Variants in PHLPP1 observed in about 807,000 individuals in gnomAD.
PHLPP1 encodes PH domain leucine-rich repeat-containing protein phosphatase 1.
Under a neutral mutation model 117.2 loss-of-function variants are expected in PHLPP1, and 42 were observed. The observed-to-expected ratio is 0.36, with a 90% CI of 0.28 to 0.46. PHLPP1 has a LOEUF of 0.46. Ranked by LOEUF, PHLPP1 falls within the 20% of genes least tolerant of loss-of-function variation. PHLPP1 has a pLI of 1.00. For missense variants in PHLPP1, 2,084 were observed against 2,241.9 expected (o/e 0.93, Z 1.42); for synonymous variants, 1,042 against 970.7 (o/e 1.07, Z -1.37).
chr18:62,857,146 C>T lies in PHLPP1; in HGVS notation c.1900-3289C>T, dbSNP rs190370059. 5.3e-5 allele frequency among the ~76,000 whole-genome samples: 8 copies of T among 152,176 alleles called. No individual in the cohort carries two copies. The East Asian group carries it at 1.4e-3, about 26-fold the overall frequency. On this transcript the variant is annotated intron_variant, in intron 3 of 16. Transcript: ENST00000262719. The stretch of plus-strand genomic sequence containing the variant: ...CAATGGAAAAAATAAAGAAGGGTTG[C>T]ATTAGTTTCCTGTGGCTGCTGTAAC...
chr18:62,856,300 A>G (rs1395203381), intron 3 of PHLPP1, among the ~76,000 whole-genome samples: 1 of 152,104 alleles, frequency 6.6e-6, no homozygotes, highest in Non-Finnish European at 1.5e-5. Flanking sequence ...CAGAGTCCTT[A>G]CAAGGCCTGA....
intron 1 of PHLPP1, among the ~76,000 whole-genome samples, chr18:62,804,379 A>C (rs1913877899): frequency 6.6e-6 from 1 of 151,940 alleles, no homozygotes; most frequent in South Asian, 2.1e-4. Flanking sequence ...GAAGGTGTCT[A>C]GTTTTTTTAT....
intron 1 of PHLPP1, chr18:62,824,126 C>T (rs1349645151): frequency 1.6e-5 from 7 of 441,022 alleles, no homozygotes; most frequent in South Asian, 6.4e-5. Context: ...AGCGAAACTC[C>T]GTCTCAAAAA....
chr18:62,830,427 C>T (rs950715556), intron 2 of PHLPP1, among the ~76,000 whole-genome samples, 196 bp downstream of exon 2: 19 of 152,108 alleles, frequency 1.2e-4, no homozygotes, highest in African/African-American at 4.6e-4. Flanking sequence ...TGGGGTTTCA[C>T]CATGTTGGCC....
intron 1 of PHLPP1, among the ~76,000 whole-genome samples, chr18:62,725,630 TAAAAA>T (rs940401679): frequency 6.6e-6 from 1 of 151,828 alleles, no homozygotes; most frequent in African/African-American, 2.4e-5. Context: ...TTCTGTCTCT[TAAAAA>T]AAGAGAGAGA....
intron 1 of PHLPP1, among the ~76,000 whole-genome samples, chr18:62,718,453 A>G (rs1568092535): frequency 1.3e-5 from 2 of 152,216 alleles, no homozygotes; most frequent in Non-Finnish European, 2.9e-5. Flanking sequence ...TTACTCCCAC[A>G]TTGAAATATG....
intron 1 of PHLPP1, among the ~76,000 whole-genome samples, chr18:62,762,222 G>A (rs1277166338): frequency 1.3e-5 from 2 of 151,418 alleles, no homozygotes; most frequent in Non-Finnish European, 2.9e-5. Flanking sequence ...TCACTCATCT[G>A]TATTGAACAG....
chr18:62,877,794 C>T (rs34242560), intron 4 of PHLPP1, among the ~76,000 whole-genome samples: 10,253 of 152,226 alleles, frequency 0.067, 471 homozygotes, highest in Non-Finnish European at 0.1. Context: ...GATTATATAG[C>T]CTTTGGTTCT....
intron 1 of PHLPP1, among the ~76,000 whole-genome samples, chr18:62,750,474 C>T (rs1388789255): frequency 1.3e-5 from 2 of 152,088 alleles, no homozygotes; most frequent in African/African-American, 4.8e-5. Context: ...CTCTCTTTTA[C>T]GTAGGAGAAA....
At chr18:62,935,430 G>C (rs1909941529) in intron 10 of PHLPP1, among the ~76,000 whole-genome samples, 1 of 152,198 alleles carries the variant, frequency 6.6e-6, no homozygotes, top group Non-Finnish European at 1.5e-5. Flanking sequence ...ATATTATTAA[G>C]ATATCAGTTT....
chr18:62,899,924 C>T (rs1043987992), intron 6 of PHLPP1, among the ~76,000 whole-genome samples: 1 of 152,224 alleles, frequency 6.6e-6, no homozygotes, highest in African/African-American at 2.4e-5. Flanking sequence ...CTGCCTTAGC[C>T]TCCCCAAGTG....
chr18:62,896,129 AT>A (rs1264474686), intron 6 of PHLPP1, 118 bp downstream of exon 6: 1 of 634,452 alleles, frequency 1.6e-6, no homozygotes, highest in African/African-American at 1.8e-5. Context: ...CCGTTTTTCT[AT>A]TTCTGCCTAG....
chr18:62,744,888 T>A (rs1014662774), intron 1 of PHLPP1, among the ~76,000 whole-genome samples: 2 of 152,200 alleles, frequency 1.3e-5, no homozygotes, highest in African/African-American at 2.4e-5. Flanking sequence ...AATAATAGAT[T>A]TTTAAACATT....
At chr18:62,854,758 T>C (rs1214540772) in intron 3 of PHLPP1, among the ~76,000 whole-genome samples, 1 of 148,674 alleles carries the variant, frequency 6.7e-6, no homozygotes, top group African/African-American at 2.5e-5. Context: ...GTGTGATGGC[T>C]CAATCTTGGT....
At chr18:62,949,614 C>T (rs899928749) in intron 12 of PHLPP1, among the ~76,000 whole-genome samples, 2 of 152,174 alleles carry the variant, frequency 1.3e-5, no homozygotes, top group Admixed American at 1.3e-4. Flanking sequence ...ATTATCCTCA[C>T]CTTTGTTTAG....
rs781511873 is a variant in PHLPP1, at chr18:62,860,514, A to G, written c.1979A>G (p.Gln660Arg). Residue 660 changes from glutamine (Q) to arginine (R), a missense_variant, in exon 4 of 17, where the codon CAA becomes CGA. Transcript: ENST00000262719. ...EHLPANLFYS[Q>R]DLTHLNLKQN... ...CTGCCTGCCAACCTCTTCTACAGCC[A>G]AGACCTCACTCATCTCAATTTAAAA... The G allele has an allele frequency of 1.2e-6, 2 of 1,613,920 alleles. No individual in the cohort carries two copies. Among genetic ancestry groups the G allele is most frequent in the Non-Finnish European group, 1.7e-6 (2 of 1,179,840 alleles).
At chr18:62,868,382 T>G (rs1915819084) in intron 4 of PHLPP1, among the ~76,000 whole-genome samples, 1 of 152,154 alleles carries the variant, frequency 6.6e-6, no homozygotes, top group Non-Finnish European at 1.5e-5. Flanking sequence ...TGCCTGTAAC[T>G]TTGGGAGGCT....
At chr18:62,912,108 C>A (rs1383109987) in intron 8 of PHLPP1, among the ~76,000 whole-genome samples, 1 of 116,170 alleles carries the variant, frequency 8.6e-6, no homozygotes, top group Non-Finnish European at 1.7e-5. Context: ...ACAATGAGAT[C>A]ACTTGGACAC....
In PHLPP1 at chr18:62,716,235, G is replaced by A. The variant is rs1910728380; in HGVS notation, c.552G>A (p.Thr184=). Reference sequence around the variant, plus strand: ...CGCTGCTTCTGAAGCACCGGCAGACGCTGCAGCTGCAGCCGTCGGACCGGG... The same window carrying A: ...CGCTGCTTCTGAAGCACCGGCAGACACTGCAGCTGCAGCCGTCGGACCGGG... ...RKTLLLKHRQ[T]LQLQPSDRDW... is the part of the protein sequence containing the mutation. Residue 184 remains threonine (T), a synonymous_variant, in exon 1 of 17, where the codon ACG becomes ACA. Transcript: ENST00000262719. This position sits in a 1 kb window ranked among gnomAD's most constrained non-coding sequence, Gnocchi z 5.7. 3.9e-6 allele frequency: 6 copies of A among 1,528,946 alleles called. No homozygotes were observed. Among genetic ancestry groups the A allele is most frequent in the Non-Finnish European group, 5.2e-6 (6 of 1,143,900 alleles). 94.7% of individuals were successfully genotyped at this position (1,528,946 alleles called of 1,614,324 possible).
Sources: gnomAD v4.1 joint callset for allele counts (sites outside exome capture counted in the v4.1 genomes callset) on GRCh38, gnomAD v4.1.1 for gene constraint, Gnocchi (gnomAD v3.1) non-coding constraint, MANE v1.5 for transcripts, NCBI Gene and HGNC (gene_info 2026-07-23, HGNC 2026-07-21) for gene names.